RIN3: variants seen among roughly 807,000 people sequenced by gnomAD.
RIN3 encodes the protein RAB5 interacting protein 3.
Under a neutral mutation model 76.3 loss-of-function variants are expected in RIN3, and 54 were observed. That is an observed-to-expected ratio of 0.71 (90% CI 0.57 to 0.89). The LOEUF (loss-of-function observed/expected upper bound fraction) is 0.89. Ranked by LOEUF, RIN3 falls within the 40% of genes least tolerant of loss-of-function variation. The pLI is 0.00. For synonymous variants in RIN3, 576 were observed against 564.0 expected (o/e 1.02, Z -0.30); for missense variants, 1,256 against 1,322.1 (o/e 0.95, Z 0.78).
chr14:92,646,403 T>C (rs544156842), intron 5 of RIN3, among the ~76,000 whole-genome samples: 1 of 152,254 alleles, frequency 6.6e-6, no homozygotes, highest in Non-Finnish European at 1.5e-5. Flanking sequence ...TGACACTTTT[T>C]CATCTTATAA....
chr14:92,515,956 T>C (rs1896430241), intron 1 of RIN3, among the ~76,000 whole-genome samples: 1 of 152,166 alleles, frequency 6.6e-6, no homozygotes, highest in South Asian at 2.1e-4. Context: ...CTGGTTGGGC[T>C]CTGTCTGCCC....
At chr14:92,635,986 C>A (rs112665161) in intron 4 of RIN3, among the ~76,000 whole-genome samples, 28 of 152,296 alleles carry the variant, frequency 1.8e-4, no homozygotes, top group African/African-American at 6.7e-4. Flanking sequence ...GAGTTACAAG[C>A]CTGAACCCTC....
At chr14:92,515,238 A>C (rs1896406312) in intron 1 of RIN3, 1 of 700,492 alleles carries the variant, frequency 1.4e-6, no homozygotes, top group Non-Finnish European at 2.6e-6. Context: ...CGGTGGGAAG[A>C]ACTGGGAATC....
At position 92,685,327 on chromosome 14, in the gene RIN3, G is replaced by A; in HGVS notation, c.2631+177G>A. On this transcript the variant is annotated intron_variant, in intron 9 of 9. Coordinates refer to ENST00000216487, the MANE Select transcript of RIN3 (RefSeq NM_024832.5). The surrounding 1 kb of genome is among the most constrained non-coding windows in gnomAD (Gnocchi z 4.7). Reference sequence around the variant, plus strand: ...GGCCCCCAGCCCCTGCTGCCAGTGTGTGTCCAGGACTTGGGTGCGTCTAGA... The same window carrying A: ...GGCCCCCAGCCCCTGCTGCCAGTGTATGTCCAGGACTTGGGTGCGTCTAGA... 1.5e-6 allele frequency: 1 copy of A among 647,178 alleles called. No individual in the cohort carries two copies. The highest frequency in any genetic ancestry group is 2.6e-6 in the Non-Finnish European group (1 of 380,796). 40.1% of individuals were successfully genotyped at this position (647,178 alleles called of 1,614,324 possible). A position where few individuals can be genotyped will look rare whatever the true frequency, so the allele number is the denominator to read the frequency against.
At chr14:92,523,023 G>T (rs1896640438) in intron 1 of RIN3, among the ~76,000 whole-genome samples, 1 of 152,202 alleles carries the variant, frequency 6.6e-6, no homozygotes, top group African/African-American at 2.4e-5. Context: ...ATTATAGTAA[G>T]GGTCCCAAAC....
intron 4 of RIN3, among the ~76,000 whole-genome samples, chr14:92,632,164 G>A (rs983031675): frequency 6.6e-6 from 1 of 152,172 alleles, no homozygotes; most frequent in Non-Finnish European, 1.5e-5. Context: ...CTAGGCATGT[G>A]TGAGGCTCCA....
At chr14:92,596,471 TG>T (rs1885152664) in intron 3 of RIN3, among the ~76,000 whole-genome samples, 2 of 152,240 alleles carry the variant, frequency 1.3e-5, no homozygotes, top group South Asian at 4.1e-4. Flanking sequence ...CTCTTTCACC[TG>T]AGCCAGGTTG....
intron 4 of RIN3, chr14:92,615,732 G>A (rs1214575007): frequency 4.0e-6 from 2 of 497,498 alleles, no homozygotes; most frequent in South Asian, 2.5e-5. Flanking sequence ...TCAGCTTCCT[G>A]TATCATCAGC....
Position 92,576,234 on chromosome 14 carries a change from C to CA in RIN3, c.250-1125dup, listed in dbSNP as rs1428130736. 3 of 1,280,206 alleles carry CA rather than the reference C, an allele frequency of 2.3e-6. No individual in the cohort carries two copies. In the African/African-American group the frequency reaches 4.6e-5, roughly 19 times the overall value. The allele number at this position is 1,280,206 out of a possible 1,614,324, so 79.3% of individuals were successfully genotyped here. ...CTGAGACCTGCCAAGACTCAAAGGA[C>CA]ATTTTAAAACAGCAGAGTTTGTGAA... On this transcript the variant is annotated intron_variant, in intron 2 of 9. Transcript: ENST00000216487.
intron 2 of RIN3, among the ~76,000 whole-genome samples, chr14:92,562,077 A>AGAC (rs1897793033): frequency 3.3e-5 from 5 of 152,158 alleles, no homozygotes; most frequent in Admixed American, 3.3e-4. Flanking sequence ...TGGCTGTGAC[A>AGAC]TTTGCTCAGA....
chr14:92,537,036 A>G (rs1339640824), intron 1 of RIN3, among the ~76,000 whole-genome samples: 1 of 152,130 alleles, frequency 6.6e-6, no homozygotes, highest in Non-Finnish European at 1.5e-5. Context: ...AAAGATGTAC[A>G]GTGAAGAAGT....
intron 7 of RIN3, among the ~76,000 whole-genome samples, chr14:92,675,794 C>T (rs371089530): frequency 6.6e-5 from 10 of 152,310 alleles, no homozygotes; most frequent in Admixed American, 3.3e-4. Flanking sequence ...AGGTATCTTT[C>T]GGACCCACCT....
At chr14:92,540,631 G>A (rs1413010102) in intron 1 of RIN3, among the ~76,000 whole-genome samples, 2 of 152,160 alleles carry the variant, frequency 1.3e-5, no homozygotes, top group Admixed American at 1.3e-4. Flanking sequence ...CCAAAGCCTG[G>A]GCCAGAGGTA....
At position 92,607,129 on chromosome 14, in the gene RIN3, A is replaced by G. The variant is rs549137235; in HGVS notation, c.368-8278A>G. On this transcript the variant is annotated intron_variant, in intron 3 of 9. Coordinates refer to ENST00000216487, the MANE Select transcript of RIN3 (RefSeq NM_024832.5). ...ACATTTCACCAAACAGGATATACAGATGGCAAACAATCACATGAAAGGATG... is the reference window on the plus strand; with the variant it reads ...ACATTTCACCAAACAGGATATACAGGTGGCAAACAATCACATGAAAGGATG... 2.0e-5 allele frequency among the ~76,000 whole-genome samples: 3 copies of G among 152,386 alleles called. No individual in the cohort carries two copies. In the South Asian group the frequency reaches 6.2e-4, roughly 32 times the overall value.
At chr14:92,530,732 C>T (rs1896861221) in intron 1 of RIN3, among the ~76,000 whole-genome samples, 1 of 152,022 alleles carries the variant, frequency 6.6e-6, no homozygotes, top group African/African-American at 2.4e-5. Context: ...GTGCTTTATC[C>T]CAAGGTTCTG....
chr14:92,682,615 G>A (rs1449236350), intron 8 of RIN3, among the ~76,000 whole-genome samples: 1 of 152,158 alleles, frequency 6.6e-6, no homozygotes, highest in African/African-American at 2.4e-5. Context: ...CAGAAGGAAG[G>A]GTGACAGGCA....
chr14:92,654,930 G>T (rs915794292), intron 6 of RIN3, among the ~76,000 whole-genome samples: 5 of 152,106 alleles, frequency 3.3e-5, no homozygotes, highest in African/African-American at 1.2e-4. Context: ...CAGCACGTTG[G>T]GGGGCAGGTG....
intron 3 of RIN3, among the ~76,000 whole-genome samples, chr14:92,614,166 G>C (rs1241519385): frequency 1.3e-5 from 2 of 152,196 alleles, no homozygotes; most frequent in African/African-American, 4.8e-5. Flanking sequence ...CAAATGCTTT[G>C]ATCCCTCTTC....
intron 3 of RIN3, among the ~76,000 whole-genome samples, chr14:92,615,001 A>T (rs1441328518): frequency 6.6e-6 from 1 of 151,616 alleles, no homozygotes; most frequent in Non-Finnish European, 1.5e-5. Context: ...CTGCCACCAC[A>T]CCGGCTAATT....
Sources: gnomAD v4.1 joint callset for allele counts (sites outside exome capture counted in the v4.1 genomes callset) on GRCh38, gnomAD v4.1.1 for gene constraint, Gnocchi (gnomAD v3.1) non-coding constraint, MANE v1.5 for transcripts, NCBI Gene and HGNC (gene_info 2026-07-23, HGNC 2026-07-21) for gene names.